The following CNTNAP5 variants were observed in gnomAD, a reference collection of about 807,000 sequenced individuals.
CNTNAP5 encodes the protein contactin associated protein family member 5.
A neutral mutation model predicts 150.2 loss-of-function variants in CNTNAP5; 72 were observed. The ratio of observed to expected loss-of-function variants is 0.48; its 90% confidence interval spans 0.40 to 0.58. CNTNAP5 has a LOEUF of 0.58. CNTNAP5 is among the 20% of genes least tolerant of loss of function. The pLI is 0.00. For synonymous variants in CNTNAP5, 672 were observed against 619.8 expected, an observed-to-expected ratio of 1.08 and a Z score of -1.25; for missense variants, 1,636 against 1,626.2, an observed-to-expected ratio of 1.01 and a Z score of -0.10.
chr2:124,372,847 T>C (rs1339618479), intron 3 of CNTNAP5, among the ~76,000 whole-genome samples: 1 of 152,108 alleles, frequency 6.6e-6, no homozygotes, highest in Non-Finnish European at 1.5e-5. Context: ...GACGAAGCAC[T>C]AACTATGTGC....
intron 3 of CNTNAP5, among the ~76,000 whole-genome samples, chr2:124,320,554 C>T (rs1217281747): frequency 6.6e-6 from 1 of 152,148 alleles, no homozygotes; most frequent in African/African-American, 2.4e-5. Context: ...CACCTGACCT[C>T]ACATGCTCTA....
At chr2:124,242,804 A>C (rs554376634) in intron 3 of CNTNAP5, among the ~76,000 whole-genome samples, 2 of 152,344 alleles carry the variant, frequency 1.3e-5, no homozygotes, top group South Asian at 4.1e-4. Context: ...CAGCTAGCTC[A>C]ATTACATCAT....
At chr2:124,436,185 G>A (rs1344852959) in intron 5 of CNTNAP5, among the ~76,000 whole-genome samples, 3 of 152,140 alleles carry the variant, frequency 2.0e-5, no homozygotes, top group Non-Finnish European at 4.4e-5. Flanking sequence ...ATAGTAAAGC[G>A]AGTGTCTTCT....
chr2:124,397,820 A>C (rs1016551559), intron 3 of CNTNAP5, among the ~76,000 whole-genome samples: 1 of 152,200 alleles, frequency 6.6e-6, no homozygotes, highest in Non-Finnish European at 1.5e-5. Flanking sequence ...TTGCACATGC[A>C]GCCAGCGATC....
At chr2:124,247,598 T>A (rs1033391807) in intron 3 of CNTNAP5, among the ~76,000 whole-genome samples, 1 of 145,786 alleles carries the variant, frequency 6.9e-6, no homozygotes, top group Non-Finnish European at 1.5e-5. Context: ...TACAAAAAAA[T>A]GGGAAGAGAA....
At chr2:124,899,711 GC>G (rs1294429833) in intron 21 of CNTNAP5, among the ~76,000 whole-genome samples, 1 of 151,212 alleles carries the variant, frequency 6.6e-6, no homozygotes, top group African/African-American at 2.5e-5. Context: ...CTTTTGAGGA[GC>G]CATATTCACT....
intron 1 of CNTNAP5, among the ~76,000 whole-genome samples, chr2:124,199,413 C>CTTTTT (rs70996049): frequency 0.012 from 1,330 of 109,960 alleles, 47 homozygotes; most frequent in Non-Finnish European, 0.016. Context: ...TTCCAAGGTT[C>CTTTTT]TTTTTTTTTT....
intron 18 of CNTNAP5, among the ~76,000 whole-genome samples, chr2:124,792,808 T>G (rs1320924820): frequency 7.9e-5 from 12 of 152,334 alleles, no homozygotes; most frequent in Non-Finnish European, 4.4e-5. Flanking sequence ...TGATTTCTTT[T>G]ACTTCGCATA....
At chr2:124,694,006 T>C (rs1175922646) in intron 13 of CNTNAP5, among the ~76,000 whole-genome samples, 1 of 152,004 alleles carries the variant, frequency 6.6e-6, no homozygotes, top group Non-Finnish European at 1.5e-5. Flanking sequence ...TAAACAACAA[T>C]GGGATTTCGT....
chr2:124,497,108 C>T (rs141723804), intron 7 of CNTNAP5, among the ~76,000 whole-genome samples: 45 of 152,276 alleles, frequency 3.0e-4, no homozygotes, highest in Admixed American at 9.8e-4. Flanking sequence ...GGTCCTCACA[C>T]GCTTTTTATT....
intron 3 of CNTNAP5, among the ~76,000 whole-genome samples, chr2:124,415,260 C>A (rs906766666): frequency 1.3e-5 from 2 of 152,134 alleles, no homozygotes; most frequent in Non-Finnish European, 2.9e-5. Context: ...CAAGAAATTC[C>A]TCACCACTAA....
At chr2:124,039,399 G>A (rs1681306597) in intron 1 of CNTNAP5, among the ~76,000 whole-genome samples, 1 of 152,202 alleles carries the variant, frequency 6.6e-6, no homozygotes, top group South Asian at 2.1e-4. Flanking sequence ...GCCTGGATGA[G>A]GGATAATACG....
intron 11 of CNTNAP5, among the ~76,000 whole-genome samples, chr2:124,575,815 G>T (rs1436913421): frequency 1.3e-5 from 2 of 152,154 alleles, no homozygotes; most frequent in African/African-American, 4.8e-5. Context: ...AGAGAATGGA[G>T]TTCTAATTTT....
At chr2:124,507,721 T>A (rs1694447110) in intron 8 of CNTNAP5, among the ~76,000 whole-genome samples, 7 of 152,298 alleles carry the variant, frequency 4.6e-5, no homozygotes, top group Admixed American at 4.6e-4. Context: ...ATGCAGGTTT[T>A]CTCTACAGAT....
intron 3 of CNTNAP5, among the ~76,000 whole-genome samples, chr2:124,348,483 TGAG>T (rs1313799974): frequency 1.3e-5 from 2 of 152,206 alleles, no homozygotes; most frequent in Non-Finnish European, 2.9e-5. Flanking sequence ...TTTATCAATT[TGAG>T]GAAGTTGAGA....
chr2:124,264,357 T>A (rs1424493122), intron 3 of CNTNAP5, among the ~76,000 whole-genome samples: 1 of 142,078 alleles, frequency 7.0e-6, no homozygotes, highest in Non-Finnish European at 1.5e-5. Context: ...ATCTATACCC[T>A]TCCCCCACAC....
chr2:124,608,921 G>A (rs1421235056), intron 11 of CNTNAP5, among the ~76,000 whole-genome samples: 1 of 150,964 alleles, frequency 6.6e-6, no homozygotes, highest in African/African-American at 2.4e-5. Flanking sequence ...TCCAGCCTGG[G>A]CAACAGAGCA....
At chr2:124,143,988 TACA>T (rs1013668096) in intron 1 of CNTNAP5, among the ~76,000 whole-genome samples, 159 of 151,766 alleles carry the variant, frequency 1.0e-3, no homozygotes, top group African/African-American at 3.6e-3. Context: ...AACATTCTTA[TACA>T]ACAACAACAG....
intron 6 of CNTNAP5, among the ~76,000 whole-genome samples, chr2:124,453,514 A>C (rs1201134792): frequency 1.3e-5 from 2 of 152,190 alleles, no homozygotes; most frequent in African/African-American, 4.8e-5. Context: ...AGATATCCAA[A>C]TACAAGAAGC....
Sources: allele counts gnomAD v4.1 joint callset (sites outside exome capture counted in the v4.1 genomes callset), GRCh38; gene constraint gnomAD v4.1.1; transcripts MANE v1.5; gene names NCBI Gene and HGNC (gene_info 2026-07-23, HGNC 2026-07-21).